KRT39: variants seen among roughly 807,000 people sequenced by gnomAD.
KRT39 encodes keratin 39.
Under a neutral mutation model 54.8 loss-of-function variants are expected in KRT39, and 47 were observed. That is an observed-to-expected ratio of 0.86 (90% CI 0.68 to 1.09). The LOEUF (loss-of-function observed/expected upper bound fraction) is 1.09. Among genes scored for constraint, KRT39 ranks in the 50% least tolerant of loss-of-function variants. KRT39 has a pLI of 0.00. For missense variants in KRT39, 580 were observed against 598.5 expected, an observed-to-expected ratio of 0.97 and a Z score of 0.32; for synonymous variants, 207 against 227.9, an observed-to-expected ratio of 0.91 and a Z score of 0.83.
rs541916127 is a variant in KRT39 at position 40,966,513 on chromosome 17, C to A, written c.344G>T (p.Arg115Leu). Residue 115 changes from arginine to leucine, a missense_variant, in exon 1 of 7, where the codon CGA (arginine) becomes CTA (leucine). Coordinates refer to ENST00000355612, the MANE Select transcript of KRT39 (RefSeq NM_213656.4). ...ERLANYLQKV[R>L]MLERENAELE... ...TTCAGCATTCTCTCGTTCTAGCATT[C>A]GCACCTTTTGCAGGTAGTTAGCAAG... 1.2e-6 allele frequency: 2 copies of A among 1,614,110 alleles called. No homozygotes were observed. The highest frequency in any genetic ancestry group is 2.2e-5 in the East Asian group (1 of 44,872).
chr17:40,960,313 T>G lies in KRT39; in HGVS notation c.1185A>C (p.Thr395=), dbSNP rs1911088936. 6.2e-7 allele frequency: 1 copy of G among 1,613,676 alleles called. No individual in the cohort carries two copies. The highest frequency in any genetic ancestry group is 8.5e-7 in the Non-Finnish European group (1 of 1,180,038). The change falls in exon 6 of 7, where the codon ACA becomes ACC. Residue 395 remains threonine (T), a synonymous_variant. Coordinates refer to ENST00000355612, the MANE Select transcript of KRT39 (RefSeq NM_213656.4). ...CCGAGCTCTCCAGAAGGCTGCGGTA[T>G]GTGGTAATCTCACATTCCAGCCGGG... ...VKSRLECEIT[T]YRSLLESSDG... is the part of the protein sequence containing the mutation.
chr17:40,959,126 C>T (rs1233955030), intron 6 of KRT39, among the ~76,000 whole-genome samples: 1 of 152,214 alleles, frequency 6.6e-6, no homozygotes, highest in East Asian at 1.9e-4. Flanking sequence ...GAATACTGCA[C>T]TAGCAGTCAA....
rs144986997 is a variant in KRT39, at chr17:40,962,043, G to A, written c.996+119C>T. The A allele has an allele frequency of 7.6e-5, 102 of 1,350,138 alleles. No homozygotes were observed. In the East Asian group the frequency reaches 9.5e-4, roughly 13 times the overall value. The allele number at this position is 1,350,138 out of a possible 1,614,324, so 83.6% of individuals were successfully genotyped here. On this transcript the variant is annotated intron_variant, in intron 5 of 6. Coordinates refer to ENST00000355612, the MANE Select transcript of KRT39 (RefSeq NM_213656.4). Reference sequence around the variant, plus strand: ...ACAAAGCTCTTTTTCAGCCATAGACGCTTTAACAAATGAGGAACTATTGTT... The same window carrying A: ...ACAAAGCTCTTTTTCAGCCATAGACACTTTAACAAATGAGGAACTATTGTT...
chr17:40,962,093 C>G, intron 5 of KRT39, 69 bp downstream of exon 5: 2 of 1,555,226 alleles, frequency 1.3e-6, no homozygotes, highest in East Asian at 4.5e-5. Context: ...TTGGGAAATA[C>G]TGCAGCACAC....
At chr17:40,965,970 C>G (rs530117418) in intron 1 of KRT39, among the ~76,000 whole-genome samples, 1 of 152,124 alleles carries the variant, frequency 6.6e-6, no homozygotes, top group African/African-American at 2.4e-5. Context: ...GCAGCCTCAA[C>G]CTCTTGGGCT....
At chr17:40,966,219 A>G (rs1911387584) in intron 1 of KRT39, among the ~76,000 whole-genome samples, 170 bp downstream of exon 1, 1 of 152,162 alleles carries the variant, frequency 6.6e-6, no homozygotes, top group South Asian at 2.1e-4. Flanking sequence ...CAGAAATACT[A>G]TCAGACTCTG....
At position 40,963,796 on chromosome 17, in the gene KRT39, GA is replaced by G; in HGVS notation, c.552-14del. 1.9e-6 allele frequency: 3 copies of G among 1,566,012 alleles called. No individual in the cohort carries two copies. The highest frequency in any genetic ancestry group is 8.7e-7 in the Non-Finnish European group (1 of 1,144,532). Reference sequence around the variant, plus strand: ...CTCAGCTTCGTATCTTTAAAAACCAGATGGGAAAAGAGAGACATCTGAAAGG... The same window carrying G: ...CTCAGCTTCGTATCTTTAAAAACCAGTGGGAAAAGAGAGACATCTGAAAGG... On this transcript the variant is annotated splice_polypyrimidine_tract_variant and intron_variant, in intron 2 of 6. Transcript: ENST00000355612.
intron 3 of KRT39, 41 bp from the exon 4 acceptor site, chr17:40,962,604 A>G: frequency 6.4e-7 from 1 of 1,569,824 alleles, no homozygotes. Context: ...TGGTGAACAG[A>G]TAACCCCTTT....
At chr17:40,962,634 A>T in intron 3 of KRT39, 71 bp from the exon 4 acceptor site, 1 of 1,336,244 alleles carries the variant, frequency 7.5e-7, no homozygotes, top group Non-Finnish European at 1.0e-6. Flanking sequence ...TTTCACTCTA[A>T]CTGCTACGAT....
intron 1 of KRT39, among the ~76,000 whole-genome samples, chr17:40,966,025 G>T: frequency 6.6e-6 from 1 of 151,990 alleles, no homozygotes; most frequent in Admixed American, 6.6e-5. Context: ...TGGGACCACA[G>T]GCATGTGCCA....
At chr17:40,962,629 C>T (rs1302999417) in intron 3 of KRT39, 66 bp from the exon 4 acceptor site, 8 of 1,369,650 alleles carry the variant, frequency 5.8e-6, no homozygotes, top group Admixed American at 2.0e-5. Context: ...TCTTGTTTCA[C>T]TCTAACTGCT....
rs375860413 is a variant in KRT39, at chr17:40,962,284, C to G, written c.874G>C (p.Glu292Gln). Residue 292 changes from glutamate to glutamine, a missense_variant, in exon 5 of 7, where the codon GAG becomes CAG. Coordinates refer to ENST00000355612, the MANE Select transcript of KRT39 (RefSeq NM_213656.4). The stretch of plus-strand genomic sequence containing the variant: ...GTCACCACTTGTTGATTCAGCTCCT[C>G]TATCTGAAACACACAGCCAGAGACT... ...DVEQWFNTQI[E>Q]ELNQQVVTSS... 1.2e-6 allele frequency: 2 copies of G among 1,614,028 alleles called. No homozygotes were observed. Among genetic ancestry groups the G allele is most frequent in the African/African-American group, 2.7e-5 (2 of 74,944 alleles).
intron 2 of KRT39, 89 bp downstream of exon 2, chr17:40,964,356 GT>G: frequency 2.0e-6 from 2 of 1,024,016 alleles, no homozygotes; most frequent in Admixed American, 3.4e-5. Flanking sequence ...GGGCAAGAGG[GT>G]TAGTAGACAT....
At chr17:40,965,477 T>C (rs1911351062) in intron 1 of KRT39, among the ~76,000 whole-genome samples, 1 of 152,242 alleles carries the variant, frequency 6.6e-6, no homozygotes, top group Non-Finnish European at 1.5e-5. Flanking sequence ...GGGCAGGGAC[T>C]TTTTAAAGGT....
intron 2 of KRT39, 149 bp from the exon 3 acceptor site, chr17:40,963,932 G>A (rs937978509): frequency 3.6e-6 from 2 of 559,830 alleles, no homozygotes; most frequent in Non-Finnish European, 6.1e-6. Context: ...GAAACCATTT[G>A]ATATAGATCA....
chr17:40,964,615 A>G (rs1597906681), intron 1 of KRT39, 87 bp from the exon 2 acceptor site: 1 of 887,458 alleles, frequency 1.1e-6, no homozygotes, highest in East Asian at 2.4e-5. Flanking sequence ...TGTGTCAAGT[A>G]ACAGGGGAAG....
At chr17:40,962,683 GA>G in intron 3 of KRT39, 120 bp from the exon 4 acceptor site, 2 of 790,210 alleles carry the variant, frequency 2.5e-6, no homozygotes, top group South Asian at 3.5e-5. Flanking sequence ...CACAACAAAG[GA>G]ATACATGATT....
chr17:40,963,236 C>A (rs1271446926), intron 3 of KRT39, among the ~76,000 whole-genome samples: 1 of 152,168 alleles, frequency 6.6e-6, no homozygotes, highest in African/African-American at 2.4e-5. Context: ...TCCCATGTGT[C>A]AAGGGAGGGA....
Position 40,960,498 on chromosome 17 carries a change from C to T in KRT39, c.1000G>A (p.Asp334Asn). The change falls in exon 6 of 7, where the codon GAT (aspartate) becomes AAT (asparagine). Residue 334 changes from aspartate (D) to asparagine (N), a missense_variant. By Grantham distance (23) the Asp-to-Asn change is conservative (BLOSUM62 1). Coordinates refer to ENST00000355612, the MANE Select transcript of KRT39 (RefSeq NM_213656.4). The stretch of plus-strand genomic sequence containing the variant: ...TCCGTTAGGATGCACTCTTGGGAAT[C>T]TCTCTACCATGGAGAAGGATAGTAG... ...VELQAQHRMR[D>N]SQECILTETE... is the part of the protein sequence containing the mutation. 2 of 1,612,064 alleles carry T rather than the reference C, an allele frequency of 1.2e-6. No individual in the cohort carries two copies. The highest frequency in any genetic ancestry group is 4.5e-5 in the East Asian group (2 of 44,856).
Sources: allele counts gnomAD v4.1 joint callset (sites outside exome capture counted in the v4.1 genomes callset), GRCh38; gene constraint gnomAD v4.1.1; transcripts MANE v1.5; gene names NCBI Gene and HGNC (gene_info 2026-07-23, HGNC 2026-07-21).